The following PHACTR3 variants were observed in gnomAD, a reference collection of about 807,000 sequenced individuals.
PHACTR3 encodes the protein protein phosphatase 1, regulatory subunit 123.
In PHACTR3, 16 loss-of-function variants were observed where a neutral mutation model predicts 66.8. That is an observed-to-expected ratio of 0.24 (90% CI 0.16 to 0.36). The LOEUF is 0.36. Among genes scored for constraint, PHACTR3 ranks in the 10% least tolerant of loss-of-function variants. The pLI is 1.00. For missense variants in PHACTR3, 647 were observed against 719.9 expected (o/e 0.90, Z 1.16); for synonymous variants, 323 against 292.1 (o/e 1.11, Z -1.08).
At chr20:59,841,344 A>G (rs776217938) in intron 10 of PHACTR3, 51 bp from the exon 11 acceptor site, 261 of 1,564,494 alleles carry the variant, frequency 1.7e-4, no homozygotes, top group Non-Finnish European at 2.2e-4. Context: ...GAGTACTTCA[A>G]AAAAGCTAGT....
At chr20:59,605,733 T>C (rs947236959) in intron 1 of PHACTR3, among the ~76,000 whole-genome samples, 2 of 152,112 alleles carry the variant, frequency 1.3e-5, no homozygotes, top group African/African-American at 4.8e-5. Context: ...GTGGACTCCG[T>C]CCACTCTTCC....
At chr20:59,688,757 G>C (rs2036992132) in intron 1 of PHACTR3, among the ~76,000 whole-genome samples, 1 of 151,984 alleles carries the variant, frequency 6.6e-6, no homozygotes, top group African/African-American at 2.4e-5. Context: ...TGGGGGTAAT[G>C]CATAAATGCT....
At chr20:59,711,984 C>T (rs2037928485) in intron 1 of PHACTR3, among the ~76,000 whole-genome samples, 1 of 151,602 alleles carries the variant, frequency 6.6e-6, no homozygotes, top group African/African-American at 2.4e-5. Context: ...ATATTAAGGA[C>T]TTTTTTTTCA....
At chr20:59,786,676 G>A (rs1212705323) in intron 7 of PHACTR3, among the ~76,000 whole-genome samples, 5 of 152,124 alleles carry the variant, frequency 3.3e-5, no homozygotes, top group African/African-American at 7.2e-5. Context: ...TCCATGGAGC[G>A]CTGTCTGTGC....
chr20:59,743,009 C>T, intron 1 of PHACTR3, 98 bp from the exon 2 acceptor site: 1 of 1,370,004 alleles, frequency 7.3e-7, no homozygotes, highest in Non-Finnish European at 1.0e-6. Flanking sequence ...GGGGGGATCA[C>T]TGGTGACCCC....
chr20:59,836,314 T>C, intron 8 of PHACTR3, 191 bp from the exon 9 acceptor site: 1 of 565,740 alleles, frequency 1.8e-6, no homozygotes. Flanking sequence ...CGGGAGAGCT[T>C]TGACTGTCAC....
At chr20:59,844,466 T>C (rs1375287643) in intron 11 of PHACTR3, 1 of 152,150 alleles carries the variant, frequency 6.6e-6, no homozygotes, top group Non-Finnish European at 1.5e-5. Flanking sequence ...TATATGTATA[T>C]GTGAATACAG....
chr20:59,605,157 G>A, intron 1 of PHACTR3, 25 bp downstream of exon 1: 1 of 1,276,002 alleles, frequency 7.8e-7, no homozygotes. Context: ...GGGGGCGGCG[G>A]GCGGGTCGGG....
chr20:59,687,247 G>T (rs2036934956), intron 1 of PHACTR3, among the ~76,000 whole-genome samples: 1 of 151,712 alleles, frequency 6.6e-6, no homozygotes, highest in Non-Finnish European at 1.5e-5. Context: ...GATGGTGGTG[G>T]TGATAGTGGT....
chr20:59,749,757 T>A (rs1308093650), intron 3 of PHACTR3, among the ~76,000 whole-genome samples: 1 of 152,210 alleles, frequency 6.6e-6, no homozygotes, highest in African/African-American at 2.4e-5. Flanking sequence ...CCAAGAAAAC[T>A]TTATTTATGG....
intron 1 of PHACTR3, chr20:59,721,319 A>G (rs2038284710): frequency 6.6e-6 from 1 of 152,338 alleles, no homozygotes; most frequent in East Asian, 1.9e-4. Context: ...GGTCCTTCCT[A>G]GGACTGACTT....
intron 1 of PHACTR3, among the ~76,000 whole-genome samples, chr20:59,627,732 A>G (rs2034507714): frequency 6.6e-6 from 1 of 152,162 alleles, no homozygotes; most frequent in African/African-American, 2.4e-5. Flanking sequence ...CTGTGTATCT[A>G]TGTATGTATC....
chr20:59,801,766 A>G (rs1271885842), intron 7 of PHACTR3, among the ~76,000 whole-genome samples: 1 of 152,266 alleles, frequency 6.6e-6, no homozygotes, highest in African/African-American at 2.4e-5. Context: ...TTAAGCTCAT[A>G]TAATGACTAT....
chr20:59,832,262 C>G (rs2042406188), intron 8 of PHACTR3, among the ~76,000 whole-genome samples: 1 of 151,746 alleles, frequency 6.6e-6, no homozygotes, highest in South Asian at 2.1e-4. Flanking sequence ...AATTGTCTGT[C>G]CTTGGCATCA....
intron 7 of PHACTR3, among the ~76,000 whole-genome samples, chr20:59,783,842 A>G (rs1374186600): frequency 6.6e-6 from 1 of 152,234 alleles, no homozygotes; most frequent in Non-Finnish European, 1.5e-5. Context: ...GGACACAGGC[A>G]AAGAGTACTC....
At chr20:59,667,539 G>A (rs1319871222) in intron 1 of PHACTR3, among the ~76,000 whole-genome samples, 1 of 152,248 alleles carries the variant, frequency 6.6e-6, no homozygotes, top group Non-Finnish European at 1.5e-5. Flanking sequence ...AAACAAAGCA[G>A]GGACACCCTC....
chr20:59,732,370 C>T (rs2038796744), intron 1 of PHACTR3, among the ~76,000 whole-genome samples: 1 of 152,100 alleles, frequency 6.6e-6, no homozygotes, highest in South Asian at 2.1e-4. Flanking sequence ...AAATATAGGC[C>T]CTGCCTGTTA....
rs538022178 is a variant in PHACTR3, at chr20:59,666,556, AAGAG to A, written c.118+61428_118+61431del. Among the ~76,000 whole-genome samples, 9 of 151,490 alleles carry A rather than the reference AAGAG, an allele frequency of 5.9e-5. No homozygotes were observed. The East Asian group carries it at 1.6e-3, about 26-fold the overall frequency. On this transcript the variant is annotated intron_variant, in intron 1 of 12. Transcript: ENST00000371015. ...AGACAGAGGTAGAGAGAGAGAGACA[AAGAG>A]AGACAGAGACAGAGAGACAGGGAGA...
At chr20:59,637,739 A>G (rs1322580498) in intron 1 of PHACTR3, among the ~76,000 whole-genome samples, 2 of 150,612 alleles carry the variant, frequency 1.3e-5, no homozygotes, top group Non-Finnish European at 3.0e-5. Flanking sequence ...AGGGAGGAGT[A>G]ATTCTTTTGG....
Sources: gnomAD v4.1 joint callset for allele counts (sites outside exome capture counted in the v4.1 genomes callset) on GRCh38, gnomAD v4.1.1 for gene constraint, MANE v1.5 for transcripts, NCBI Gene and HGNC (gene_info 2026-07-23, HGNC 2026-07-21) for gene names.